CSNK1G2: variants seen among roughly 807,000 people sequenced by gnomAD.
CSNK1G2 encodes casein kinase 1 gamma 2, also known as casein kinase I isoform gamma-2.
Under a neutral mutation model 48.0 loss-of-function variants are expected in CSNK1G2, and 11 were observed. That is an observed-to-expected ratio of 0.23 (90% CI 0.14 to 0.38). The LOEUF is 0.38. Ranked by LOEUF, CSNK1G2 falls within the 10% of genes least tolerant of loss-of-function variation. The pLI is 1.00. For synonymous variants in CSNK1G2, 337 were observed against 254.1 expected, an observed-to-expected ratio of 1.33 and a Z score of -3.10; for missense variants, 446 against 595.5, an observed-to-expected ratio of 0.75 and a Z score of 2.61.
intron 1 of CSNK1G2, among the ~76,000 whole-genome samples, chr19:1,949,992 G>A (rs1194486676): frequency 5.9e-5 from 9 of 152,332 alleles, no homozygotes; most frequent in African/African-American, 1.9e-4. Flanking sequence ...CGTGACCTTC[G>A]CCACAGCGAG....
chr19:1,967,634 T>A (rs551074890), intron 1 of CSNK1G2, among the ~76,000 whole-genome samples: 4 of 151,906 alleles, frequency 2.6e-5, no homozygotes, highest in African/African-American at 9.7e-5. Flanking sequence ...AGCGTCCAGT[T>A]AACACCACAG....
chr19:1,979,886 C>T lies in CSNK1G2; in HGVS notation c.1087-25C>T, dbSNP rs370977416. The T allele has an allele frequency of 1.5e-4, 233 of 1,605,408 alleles. 1 individual carries two copies. The highest frequency in any genetic ancestry group is 1.8e-4 in the Non-Finnish European group (214 of 1,176,520). ...CCCAGGGAGGGGCATGGGCGGCCAG[C>T]GTGACCCCCTACTGCCCCCACCAGG... On this transcript the variant is annotated intron_variant, in intron 10 of 11. Coordinates refer to ENST00000255641, the MANE Select transcript of CSNK1G2 (RefSeq NM_001319.7).
At chr19:1,967,154 G>A (rs968626061) in intron 1 of CSNK1G2, among the ~76,000 whole-genome samples, 7 of 152,204 alleles carry the variant, frequency 4.6e-5, no homozygotes, top group Admixed American at 6.5e-5. Context: ...GGCTGTTGCC[G>A]TGCGGAACCC....
Position 1,980,553 on chromosome 19 carries a change from C to T in CSNK1G2, c.*350C>T, listed in dbSNP as rs1047093735. On this transcript the variant is annotated 3_prime_UTR_variant, in exon 12 of 12. Coordinates refer to ENST00000255641, the MANE Select transcript of CSNK1G2 (RefSeq NM_001319.7). ...GAAGTGAGTAGTGTGATCCTGGAGG[C>T]CCCCCGGCCTGGCCCCGCCCCGCCA... 3 of 313,944 alleles carry T rather than the reference C, an allele frequency of 9.6e-6. No individual in the cohort carries two copies. Among genetic ancestry groups the T allele is most frequent in the South Asian group, 3.3e-5 (1 of 30,090 alleles). 19.4% of individuals were successfully genotyped at this position (313,944 alleles called of 1,614,324 possible).
At chr19:1,952,935 G>A (rs551695486) in intron 1 of CSNK1G2, 1 of 446,008 alleles carries the variant, frequency 2.2e-6, no homozygotes, top group South Asian at 1.7e-5. Context: ...GGGAAACCGG[G>A]GCGGGATGTC....
chr19:1,962,083 A>G (rs1004857397), intron 1 of CSNK1G2, among the ~76,000 whole-genome samples: 20 of 152,160 alleles, frequency 1.3e-4, no homozygotes, highest in African/African-American at 4.6e-4. Flanking sequence ...TAATCCCAAC[A>G]CTTTGGGAGG....
chr19:1,943,657 C>CCG (rs1379815671), intron 1 of CSNK1G2, among the ~76,000 whole-genome samples: 1 of 152,100 alleles, frequency 6.6e-6, no homozygotes, highest in Non-Finnish European at 1.5e-5. Flanking sequence ...GTGGGGGTTA[C>CCG]CGCGCGCCCG....
chr19:1,947,986 C>T (rs888592636), intron 1 of CSNK1G2, among the ~76,000 whole-genome samples: 1 of 152,182 alleles, frequency 6.6e-6, no homozygotes. Context: ...GCACTGGCCT[C>T]TCCTTCCTGT....
At chr19:1,946,760 A>C (rs1286495250) in intron 1 of CSNK1G2, among the ~76,000 whole-genome samples, 1 of 150,302 alleles carries the variant, frequency 6.7e-6, no homozygotes, top group African/African-American at 2.5e-5. Flanking sequence ...CTACAGGTAC[A>C]TGCCATCACG....
intron 1 of CSNK1G2, among the ~76,000 whole-genome samples, chr19:1,955,222 G>T (rs1028692148): frequency 2.1e-4 from 32 of 152,130 alleles, no homozygotes; most frequent in Non-Finnish European, 4.1e-4. Context: ...TGTGGGGGCA[G>T]GGGGAGCTGG....
intron 1 of CSNK1G2, among the ~76,000 whole-genome samples, chr19:1,948,180 C>G (rs530360526): frequency 4.6e-5 from 7 of 152,232 alleles, no homozygotes; most frequent in African/African-American, 9.6e-5. Context: ...GTCCCTCCCC[C>G]TCTCATCCCC....
intron 1 of CSNK1G2, chr19:1,954,787 G>C (rs1402459323): frequency 6.6e-6 from 1 of 152,252 alleles, no homozygotes; most frequent in African/African-American, 2.4e-5. Flanking sequence ...TTGTGGGATG[G>C]CTGCAATCCC....
At chr19:1,977,180 G>A (rs1236411049) in intron 2 of CSNK1G2, among the ~76,000 whole-genome samples, 1 of 152,250 alleles carries the variant, frequency 6.6e-6, no homozygotes, top group East Asian at 1.9e-4. Context: ...AGGTCGCCCA[G>A]CAGATGGTAG....
At chr19:1,952,621 G>T in intron 1 of CSNK1G2, 1 of 161,312 alleles carries the variant, frequency 6.2e-6, no homozygotes. Context: ...TATATTTGAC[G>T]ATGATTAAAA....
intron 1 of CSNK1G2, among the ~76,000 whole-genome samples, chr19:1,967,807 C>T (rs12982097): frequency 2.3e-5 from 1 of 44,350 alleles, no homozygotes; most frequent in African/African-American, 2.3e-4. Context: ...CTCCCTCCTC[C>T]CCAGGCTGCC....
In CSNK1G2 at chr19:1,969,902, C is replaced by G; in HGVS notation, c.130C>G (p.Pro44Ala). 7.6e-7 allele frequency: 1 copy of G among 1,312,468 alleles called. No homozygotes were observed. Among genetic ancestry groups the G allele is most frequent in the Non-Finnish European group, 9.8e-7 (1 of 1,022,202 alleles). The allele number at this position is 1,312,468 out of a possible 1,614,324, so 81.3% of individuals were successfully genotyped here. A position where few individuals can be genotyped will look rare whatever the true frequency, so the allele number is the denominator to read the frequency against. The change falls in exon 2 of 12, where the codon CCC becomes GCC. Residue 44 changes from proline to alanine, a missense_variant. Around this residue, in one of 2 missense-constraint regions of CSNK1G2, gnomAD observed 258 missense variants for 415.9 expected, o/e 0.62. Coordinates refer to ENST00000255641, the MANE Select transcript of CSNK1G2 (RefSeq NM_001319.7). Reference protein sequence around the residue: ...GTSSGVLMVGPNFRVGKKIGC... With the variant: ...GTSSGVLMVGANFRVGKKIGC... ...CAGCTCGGGGGTCCTGATGGTGGGC[C>G]CCAACTTCCGCGTCGGCAAGAAGAT...
At chr19:1,977,836 G>A (rs1286464446) in intron 2 of CSNK1G2, among the ~76,000 whole-genome samples, 1 of 152,012 alleles carries the variant, frequency 6.6e-6, no homozygotes, top group Non-Finnish European at 1.5e-5. Context: ...TGTGGCTGGT[G>A]GCCCCAGGGA....
At chr19:1,953,785 C>G in intron 1 of CSNK1G2, 3 of 484,880 alleles carry the variant, frequency 6.2e-6, no homozygotes, top group Non-Finnish European at 1.3e-5. Context: ...CCCCCCGCAT[C>G]AGGGTCCGGT....
At position 1,978,948 on chromosome 19, in the gene CSNK1G2, G is replaced by A; in HGVS notation, c.537G>A (p.Lys179=). The A allele has an allele frequency of 1.9e-6, 3 of 1,601,372 alleles. No individual in the cohort carries two copies. Among genetic ancestry groups the A allele is most frequent in the Non-Finnish European group, 2.5e-6 (3 of 1,179,658 alleles). ...TCCTGGTGGGCCGCCCGGGGACCAA[G>A]CGGCAGCATGCCATCCACATCATCG... ...ENFLVGRPGT[K]RQHAIHIIDF... Residue 179 remains lysine, a synonymous_variant, in exon 6 of 12, where the codon AAG becomes AAA. Coordinates refer to ENST00000255641, the MANE Select transcript of CSNK1G2 (RefSeq NM_001319.7). This position sits in a 1 kb window ranked among gnomAD's most constrained non-coding sequence, Gnocchi z 7.3.
Sources: gnomAD v4.1 joint callset for allele counts (sites outside exome capture counted in the v4.1 genomes callset) on GRCh38, gnomAD v4.1.1 for gene constraint, gnomAD v4.1.1 regional missense constraint, Gnocchi (gnomAD v3.1) non-coding constraint, MANE v1.5 for transcripts, NCBI Gene and HGNC (gene_info 2026-07-23, HGNC 2026-07-21) for gene names.